The following PCDH11X variants were observed in gnomAD, a reference collection of about 807,000 sequenced individuals.
PCDH11X encodes protocadherin-11 X-linked.
PCDH11X carries 18 observed loss-of-function variants against 53.3 expected under a neutral mutation model. That is an observed-to-expected ratio of 0.34 (90% CI 0.23 to 0.50). The LOEUF is 0.50. Among genes scored for constraint, PCDH11X ranks in the 20% least tolerant of loss-of-function variants. The pLI, the probability that PCDH11X is intolerant of heterozygous loss-of-function variation, is 0.98. For missense variants in PCDH11X, 570 were observed against 1,032.4 expected (o/e 0.55, Z 6.14); for synonymous variants, 279 against 393.3 (o/e 0.71, Z 3.44).
At chrX:92,442,000 G>T (rs1182543213) in intron 9 of PCDH11X, among the ~76,000 whole-genome samples, 1 of 110,770 alleles carries the variant, frequency 9.0e-6, no homozygotes, top group Non-Finnish European at 1.9e-5. Flanking sequence ...GAGACATGGA[G>T]TCAAAGGATA....
At chrX:92,344,814 G>A (rs2069851027) in intron 8 of PCDH11X, among the ~76,000 whole-genome samples, 1 of 109,284 alleles carries the variant, frequency 9.2e-6, no homozygotes, top group Admixed American at 9.9e-5. Context: ...AGAAGTAATA[G>A]CACCAAGTAA....
intron 4 of PCDH11X, among the ~76,000 whole-genome samples, chrX:91,813,337 A>C (rs1394276630): frequency 9.3e-6 from 1 of 108,069 alleles, no homozygotes; most frequent in African/African-American, 3.4e-5. Flanking sequence ...AAGCACTTAC[A>C]TTTAACCTTA....
At chrX:92,365,717 C>A (rs2070455945) in intron 8 of PCDH11X, among the ~76,000 whole-genome samples, 1 of 111,242 alleles carries the variant, frequency 9.0e-6, no homozygotes, top group South Asian at 3.8e-4. Context: ...TTATCAAAGA[C>A]CTTTCTGCAT....
At chrX:92,062,783 T>C (rs142028084) in intron 6 of PCDH11X, among the ~76,000 whole-genome samples, 2,590 of 111,395 alleles carry the variant, frequency 0.023, 93 homozygotes, top group African/African-American at 0.08. Context: ...TGGAAGACAG[T>C]GTGGCGATTC....
chrX:92,597,888 C>G (rs1175121739), intron 10 of PCDH11X, among the ~76,000 whole-genome samples: 5 of 111,560 alleles, frequency 4.5e-5, no homozygotes. Flanking sequence ...GTACAGTGAA[C>G]TCATTTTCTC....
chrX:92,312,992 T>C (rs1051356787), intron 8 of PCDH11X, among the ~76,000 whole-genome samples: 4 of 111,508 alleles, frequency 3.6e-5, no homozygotes, highest in Middle Eastern at 9.2e-3. Context: ...TCCCTGATGC[T>C]CTTATTTCCT....
At chrX:92,495,845 G>A (rs1358472622) in intron 10 of PCDH11X, among the ~76,000 whole-genome samples, 1 of 106,022 alleles carries the variant, frequency 9.4e-6, no homozygotes, top group African/African-American at 3.7e-5. Flanking sequence ...TACCACAAGA[G>A]CGGTATGGGG....
intron 6 of PCDH11X, among the ~76,000 whole-genome samples, chrX:92,109,171 G>C (rs1363570502): frequency 9.0e-6 from 1 of 111,304 alleles, no homozygotes; most frequent in African/African-American, 3.3e-5. Context: ...GATCACCTGA[G>C]ACCAGCCTGG....
chrX:92,085,614 C>CAAA (rs57885903), intron 6 of PCDH11X, among the ~76,000 whole-genome samples: 6 of 94,052 alleles, frequency 6.4e-5, no homozygotes, highest in African/African-American at 2.3e-4. Context: ...ATTATAGAAG[C>CAAA]AAAAAAAAAA....
At chrX:92,101,549 T>A (rs1363420185) in intron 6 of PCDH11X, among the ~76,000 whole-genome samples, 1 of 111,366 alleles carries the variant, frequency 9.0e-6, no homozygotes, top group Non-Finnish European at 1.9e-5. Flanking sequence ...ACTGCTTGGC[T>A]GATTTGACTA....
At chrX:92,355,591 A>G (rs931613691) in intron 8 of PCDH11X, among the ~76,000 whole-genome samples, 3 of 105,450 alleles carry the variant, frequency 2.8e-5, no homozygotes, top group Non-Finnish European at 5.8e-5. Flanking sequence ...AATGGTTTTA[A>G]CATGAATTGT....
chrX:91,807,176 C>CAAAAA (rs1218341876), intron 1 of PCDH11X, among the ~76,000 whole-genome samples: 3 of 32,187 alleles, frequency 9.3e-5, no homozygotes, highest in East Asian at 1.1e-3. Flanking sequence ...CTCATCTCTA[C>CAAAAA]AAAAAAAAAA....
At position 92,089,340 on chromosome X, in the gene PCDH11X, C is replaced by A. The variant is rs1044739071; in HGVS notation, c.3034-112035C>A. On this transcript the variant is annotated intron_variant, in intron 6 of 10. Coordinates refer to ENST00000682573, the MANE Select transcript of PCDH11X (RefSeq NM_032968.5). ...AGTCTAATCTGTGTAGATGTTAAAT[C>A]ATTATTGCTCACATAGTCATATATA... Among the ~76,000 whole-genome samples the A allele has an allele frequency of 1.1e-4, 12 of 110,524 alleles. No homozygotes were observed. In the Admixed American group the frequency reaches 1.2e-3, roughly 11 times the overall value.
At chrX:92,232,965 G>T (rs768612885) in intron 7 of PCDH11X, among the ~76,000 whole-genome samples, 6 of 111,094 alleles carry the variant, frequency 5.4e-5, no homozygotes, top group East Asian at 5.7e-4. Context: ...TCCGCCCACC[G>T]CGGCCTCCCA....
At chrX:91,826,927 G>A (rs1383408679) in intron 4 of PCDH11X, among the ~76,000 whole-genome samples, 10 of 108,293 alleles carry the variant, frequency 9.2e-5, no homozygotes, top group Middle Eastern at 4.3e-3. Context: ...GTGAACATTT[G>A]TGTGCATGTG....
At chrX:92,120,688 G>A (rs1272770403) in intron 6 of PCDH11X, among the ~76,000 whole-genome samples, 1 of 112,100 alleles carries the variant, frequency 8.9e-6, no homozygotes, top group East Asian at 2.8e-4. Context: ...ATGGGTGGAA[G>A]CTAATGTCTT....
At chrX:92,224,558 C>T (rs2066936704) in intron 7 of PCDH11X, among the ~76,000 whole-genome samples, 2 of 111,153 alleles carry the variant, frequency 1.8e-5, no homozygotes, top group South Asian at 7.6e-4. Context: ...AGACTGTGTT[C>T]ATGTATGGCC....
rs965150534 is a variant in PCDH11X, at chrX:92,186,825, T to C, written c.3034-14550T>C. On this transcript the variant is annotated intron_variant, in intron 6 of 10. Coordinates refer to ENST00000682573, the MANE Select transcript of PCDH11X (RefSeq NM_032968.5). ...CTTTAAAGAGCTAAAAGAGAGAGTT[T>C]TGAATGTTCCCAACACAAAGAAATA... is the stretch of plus-strand genomic sequence containing the variant. Among the ~76,000 whole-genome samples the C allele has an allele frequency of 3.6e-5, 4 of 110,681 alleles. No individual in the cohort carries two copies. The East Asian group carries it at 1.1e-3, about 32-fold the overall frequency.
At position 92,557,688 on chromosome X, in the gene PCDH11X, A is replaced by G. The variant is rs374483320; in HGVS notation, c.3368-60576A>G. Among the ~76,000 whole-genome samples, 479 of 108,665 alleles carry G rather than the reference A, an allele frequency of 4.4e-3. 3 individuals are homozygous for G. The highest frequency in any genetic ancestry group is 0.015 in the African/African-American group (461 of 29,847). 94.4% of individuals were successfully genotyped at this position (108,665 alleles called of 115,157 possible). ...TTTCCCATATTTTTCTATCTTCTTT[A>G]GAGCCCTCCAAGCTGTTTCAATCTC... On this transcript the variant is annotated intron_variant, in intron 10 of 10. Coordinates refer to ENST00000682573, the MANE Select transcript of PCDH11X (RefSeq NM_032968.5).
Sources: allele counts gnomAD v4.1 joint callset (sites outside exome capture counted in the v4.1 genomes callset), GRCh38; gene constraint gnomAD v4.1.1; transcripts MANE v1.5; gene names NCBI Gene and HGNC (gene_info 2026-07-23, HGNC 2026-07-21).